The following MLLT3 variants were observed in gnomAD, a reference collection of about 807,000 sequenced individuals.
The protein encoded by MLLT3 is MLLT3 super elongation complex subunit, also known as protein AF-9.
A neutral mutation model predicts 53.2 loss-of-function variants in MLLT3; 4 were observed. That is an observed-to-expected ratio of 0.08 (90% CI 0.04 to 0.17). The LOEUF (loss-of-function observed/expected upper bound fraction) is 0.17. MLLT3 is among the 10% of genes least tolerant of loss of function. The pLI is 1.00. For missense variants in MLLT3, 569 were observed against 684.0 expected, an observed-to-expected ratio of 0.83 and a Z score of 1.87; for synonymous variants, 283 against 230.6, an observed-to-expected ratio of 1.23 and a Z score of -2.06.
chr9:20,483,245 T>A (rs199963484), intron 2 of MLLT3, among the ~76,000 whole-genome samples: 107,209 of 150,664 alleles, frequency 0.71, 38,323 homozygotes, highest in Middle Eastern at 0.85. Flanking sequence ...ATTATTATTT[T>A]TTTTTTTGAG....
chr9:20,513,433 C>T (rs975482925), intron 2 of MLLT3, among the ~76,000 whole-genome samples: 1 of 152,218 alleles, frequency 6.6e-6, no homozygotes, highest in South Asian at 2.1e-4. Flanking sequence ...CCAATGCGGG[C>T]GAAAGACAAG....
At chr9:20,366,729 C>T (rs202171799) in intron 5 of MLLT3, among the ~76,000 whole-genome samples, 1 of 152,206 alleles carries the variant, frequency 6.6e-6, no homozygotes, top group South Asian at 2.1e-4. Context: ...TTTTAATGAT[C>T]GCCATTCTAA....
At chr9:20,469,556 G>T (rs553666002) in intron 2 of MLLT3, among the ~76,000 whole-genome samples, 1 of 152,080 alleles carries the variant, frequency 6.6e-6, no homozygotes, top group East Asian at 1.9e-4. Flanking sequence ...TATTCAAGGA[G>T]ATGAAACAGC....
chr9:20,587,014 G>C (rs1453930813), intron 2 of MLLT3, among the ~76,000 whole-genome samples: 2 of 151,862 alleles, frequency 1.3e-5, no homozygotes, highest in Non-Finnish European at 2.9e-5. Context: ...AAACTTTCTA[G>C]GTAGGAGTCA....
intron 2 of MLLT3, among the ~76,000 whole-genome samples, chr9:20,578,580 A>C (rs1352450088): frequency 6.6e-6 from 1 of 152,172 alleles, no homozygotes; most frequent in African/African-American, 2.4e-5. Context: ...GGTCAAGAAC[A>C]CTATGATATC....
intron 5 of MLLT3, among the ~76,000 whole-genome samples, chr9:20,369,334 A>G (rs1204231276): frequency 1.3e-5 from 2 of 152,222 alleles, no homozygotes; most frequent in African/African-American, 4.8e-5. Context: ...CTGATTCTAT[A>G]TTAGTCTGCC....
At chr9:20,601,189 T>C (rs1341671308) in intron 2 of MLLT3, among the ~76,000 whole-genome samples, 1 of 152,162 alleles carries the variant, frequency 6.6e-6, no homozygotes. Context: ...AGACATACCA[T>C]GATACACTGC....
chr9:20,352,298 C>T (rs950750804), intron 10 of MLLT3, among the ~76,000 whole-genome samples: 2 of 152,310 alleles, frequency 1.3e-5, no homozygotes, highest in Admixed American at 1.3e-4. Context: ...TGGACAATTG[C>T]TCCACAGTGG....
At chr9:20,560,569 T>C (rs193009764) in intron 2 of MLLT3, among the ~76,000 whole-genome samples, 11 of 152,228 alleles carry the variant, frequency 7.2e-5, no homozygotes, top group Admixed American at 6.5e-4. Context: ...AAACGTGATG[T>C]TGATGCACAA....
intron 4 of MLLT3, among the ~76,000 whole-genome samples, chr9:20,446,534 T>C (rs1224342815): frequency 1.3e-5 from 2 of 152,202 alleles, no homozygotes; most frequent in Admixed American, 6.6e-5. Flanking sequence ...TACGTTTTCC[T>C]ACGACCCTTA....
chr9:20,491,269 C>T (rs1013857659), intron 2 of MLLT3, among the ~76,000 whole-genome samples: 2 of 151,844 alleles, frequency 1.3e-5, no homozygotes, highest in African/African-American at 4.8e-5. Context: ...TTCTTATCCA[C>T]AAAACCATTT....
intron 4 of MLLT3, among the ~76,000 whole-genome samples, chr9:20,416,123 G>A (rs1321462843): frequency 6.6e-6 from 1 of 151,792 alleles, no homozygotes; most frequent in African/African-American, 2.4e-5. Context: ...TACATTTCCT[G>A]TCATGTTAAG....
chr9:20,587,657 T>C (rs1820009376), intron 2 of MLLT3, among the ~76,000 whole-genome samples: 1 of 152,266 alleles, frequency 6.6e-6, no homozygotes, highest in Non-Finnish European at 1.5e-5. Context: ...AAGTGTCTGT[T>C]CATGTCCTTT....
At chr9:20,449,799 C>T (rs1004117809) in intron 3 of MLLT3, among the ~76,000 whole-genome samples, 2 of 152,158 alleles carry the variant, frequency 1.3e-5, no homozygotes, top group African/African-American at 4.8e-5. Flanking sequence ...CCATTCTCTC[C>T]TGGTTTTCCT....
intron 10 of MLLT3, among the ~76,000 whole-genome samples, chr9:20,351,230 T>C (rs3780826): frequency 0.098 from 14,933 of 152,264 alleles, 1,700 homozygotes; most frequent in African/African-American, 0.28. Context: ...CCCCATTCCC[T>C]GCAGACAATT....
rs118149532 is a variant in MLLT3, at chr9:20,555,348, G to A, written c.193+65306C>T. ...TCTATTTTTTTTTAATAGAGACAGC[G>A]TCTCACCATGTTGCCCAGGGTGGTC... is the stretch of plus-strand genomic sequence containing the variant. On this transcript the variant is annotated intron_variant, in intron 2 of 10. Transcript: ENST00000380338. Among the ~76,000 whole-genome samples the A allele has an allele frequency of 4.0e-3, 614 of 152,022 alleles. 11 individuals are homozygous for A. The East Asian group carries it at 0.069, about 17-fold the overall frequency.
At position 20,621,411 on chromosome 9, in the gene MLLT3, C is replaced by T. The variant is rs1587141169; in HGVS notation, c.13-577G>A. On this transcript the variant is annotated intron_variant, in intron 1 of 10. Coordinates refer to ENST00000380338, the MANE Select transcript of MLLT3 (RefSeq NM_004529.4). The surrounding 1 kb of genome is among the most constrained non-coding windows in gnomAD (Gnocchi z 7.0). ...ACTCCCGTGCTCTTGCCACGGGGTTCGTGCACAACAAAAATGAGACGTCGT... is the reference window on the plus strand; with the variant it reads ...ACTCCCGTGCTCTTGCCACGGGGTTTGTGCACAACAAAAATGAGACGTCGT... Among the ~76,000 whole-genome samples, 1 of 152,098 alleles carries T rather than the reference C, an allele frequency of 6.6e-6. No individual in the cohort carries two copies. The highest frequency in any genetic ancestry group is 6.5e-5 in the Admixed American group (1 of 15,286).
intron 5 of MLLT3, among the ~76,000 whole-genome samples, chr9:20,400,109 A>G (rs1822417972): frequency 6.6e-6 from 1 of 152,106 alleles, no homozygotes; most frequent in Non-Finnish European, 1.5e-5. Flanking sequence ...TACCCATGAG[A>G]TGGTCTGGCC....
intron 2 of MLLT3, among the ~76,000 whole-genome samples, chr9:20,580,361 CT>C (rs1036383786): frequency 1.9e-3 from 277 of 145,668 alleles, no homozygotes; most frequent in African/African-American, 2.4e-3. Flanking sequence ...GTTAACTTGA[CT>C]TTTTTTTTTT....
Sources: allele counts gnomAD v4.1 joint callset (sites outside exome capture counted in the v4.1 genomes callset), GRCh38; gene constraint gnomAD v4.1.1; non-coding constraint Gnocchi (gnomAD v3.1); transcripts MANE v1.5; gene names NCBI Gene and HGNC (gene_info 2026-07-23, HGNC 2026-07-21).